SPECC1L: variants seen among roughly 807,000 people sequenced by gnomAD.
SPECC1L encodes the protein sperm antigen with calponin homology and coiled-coil domains 1 like, also known as cytospin-A.
A neutral mutation model predicts 116.8 loss-of-function variants in SPECC1L; 40 were observed. The observed-to-expected ratio is 0.34, with a 90% CI of 0.27 to 0.45. SPECC1L has a LOEUF of 0.45. SPECC1L is among the 20% of genes least tolerant of loss of function. The pLI, the probability that SPECC1L is intolerant of heterozygous loss-of-function variation, is 1.00. For missense variants in SPECC1L, 1,110 were observed against 1,373.6 expected (o/e 0.81, Z 3.03); for synonymous variants, 504 against 500.6 (o/e 1.01, Z -0.09).
intron 15 of SPECC1L, chr22:24,412,386 G>A (rs546104022): frequency 5.3e-5 from 30 of 563,126 alleles, no homozygotes; most frequent in African/African-American, 4.1e-4. Flanking sequence ...GCATTGGTGC[G>A]GCAGAAGTAG....
chr22:24,406,161 A>G (rs1289593281), intron 14 of SPECC1L, among the ~76,000 whole-genome samples: 8 of 152,200 alleles, frequency 5.3e-5, no homozygotes, highest in Non-Finnish European at 8.8e-5. Flanking sequence ...ACCTGTTGCC[A>G]CCTTAGAAAG....
At chr22:24,298,331 A>G (rs1178024542) in intron 2 of SPECC1L, among the ~76,000 whole-genome samples, 1 of 152,186 alleles carries the variant, frequency 6.6e-6, no homozygotes, top group Non-Finnish European at 1.5e-5. Context: ...TCATAAGTTG[A>G]GCAGCGTCTT....
At chr22:24,398,915 A>T (rs940601960) in intron 14 of SPECC1L, among the ~76,000 whole-genome samples, 2 of 152,176 alleles carry the variant, frequency 1.3e-5, no homozygotes, top group Non-Finnish European at 2.9e-5. Flanking sequence ...GAGGATTTCC[A>T]CGAGGGTCTT....
At chr22:24,319,591 G>A (rs954054633) in intron 4 of SPECC1L, among the ~76,000 whole-genome samples, 2 of 152,158 alleles carry the variant, frequency 1.3e-5, no homozygotes, top group Non-Finnish European at 1.5e-5. Context: ...TTGACTTAGT[G>A]TGACTCACTG....
intron 13 of SPECC1L, 81 bp from the exon 14 acceptor site, chr22:24,369,137 T>A (rs775889763): frequency 5.5e-5 from 56 of 1,020,948 alleles, no homozygotes; most frequent in Non-Finnish European, 7.9e-5. Flanking sequence ...TTCCCCTGTT[T>A]AAAAATGCAA....
chr22:24,415,138 C>T lies in SPECC1L; in HGVS notation c.*515C>T. On this transcript the variant is annotated 3_prime_UTR_variant, in exon 17 of 17. Coordinates refer to ENST00000314328, the MANE Select transcript of SPECC1L (RefSeq NM_015330.6). ...CCTTCACCGTCCTAGTTTGGAGGAGCATGTTCACCACAGACGTGGGTCAGC... is the reference window on the plus strand; with the variant it reads ...CCTTCACCGTCCTAGTTTGGAGGAGTATGTTCACCACAGACGTGGGTCAGC... 1 of 195,510 alleles carries T rather than the reference C, an allele frequency of 5.1e-6. No individual in the cohort carries two copies. Among genetic ancestry groups the T allele is most frequent in the South Asian group, 9.7e-5 (1 of 10,280 alleles). The allele number at this position is 195,510 out of a possible 1,614,324, so 12.1% of individuals were successfully genotyped here. A position where few individuals can be genotyped will look rare whatever the true frequency, so the allele number is the denominator to read the frequency against.
rs547537911 is a variant in SPECC1L, at chr22:24,364,125, C to T, written c.2827+781C>T. 7.9e-4 allele frequency among the ~76,000 whole-genome samples: 121 copies of T among 152,208 alleles called. 3 individuals are homozygous for T. In the South Asian group the frequency reaches 0.012, roughly 15 times the overall value. On this transcript the variant is annotated intron_variant, in intron 12 of 16. Coordinates refer to ENST00000314328, the MANE Select transcript of SPECC1L (RefSeq NM_015330.6). ...TGACTTGTCACTGTGCTCAGCCCTG[C>T]GTTCTGATTACCTGGCAATACTCAG...
intron 13 of SPECC1L, among the ~76,000 whole-genome samples, chr22:24,367,423 AT>A (rs60939564): frequency 1.0e-4 from 15 of 145,052 alleles, no homozygotes; most frequent in South Asian, 2.2e-4. Flanking sequence ...ATATTATGAG[AT>A]TTTTTTTTTT....
intron 16 of SPECC1L, among the ~76,000 whole-genome samples, chr22:24,414,261 C>T (rs1030522065): frequency 6.6e-6 from 1 of 152,160 alleles, no homozygotes. Flanking sequence ...GAAGTTCCTC[C>T]GCCCAGACTG....
chr22:24,382,703 T>G (rs1462777811), intron 14 of SPECC1L, among the ~76,000 whole-genome samples: 4 of 44,820 alleles, frequency 8.9e-5, no homozygotes, highest in Admixed American at 3.6e-4. Flanking sequence ...AGACTCCATC[T>G]CAAAAAAAAA....
intron 5 of SPECC1L, among the ~76,000 whole-genome samples, chr22:24,323,779 G>C (rs2040766510): frequency 6.6e-6 from 1 of 152,190 alleles, no homozygotes; most frequent in African/African-American, 2.4e-5. Flanking sequence ...TACATGTTGA[G>C]AGGCTACTGT....
At chr22:24,282,778 AT>A (rs373825517) in intron 2 of SPECC1L, among the ~76,000 whole-genome samples, 465 of 140,634 alleles carry the variant, frequency 3.3e-3, no homozygotes, top group South Asian at 7.7e-3. Context: ...TGAGTTTTGA[AT>A]TTTTTTTTTT....
intron 2 of SPECC1L, among the ~76,000 whole-genome samples, chr22:24,293,416 G>A (rs558785076): frequency 6.6e-6 from 1 of 152,186 alleles, no homozygotes; most frequent in African/African-American, 2.4e-5. Flanking sequence ...TCGTGCCACT[G>A]TACTCCAGCC....
intron 4 of SPECC1L, among the ~76,000 whole-genome samples, chr22:24,317,641 C>T (rs1205889246): frequency 4.0e-5 from 6 of 150,514 alleles, no homozygotes; most frequent in South Asian, 2.1e-4. Flanking sequence ...CCGGACGGGG[C>T]GGCTGGCCAG....
chr22:24,336,861 C>CT (rs2041070861), intron 9 of SPECC1L, among the ~76,000 whole-genome samples: 1 of 152,116 alleles, frequency 6.6e-6, no homozygotes, highest in Non-Finnish European at 1.5e-5. Context: ...GATTTTTTGA[C>CT]TTTACAGTAG....
At position 24,417,616 on chromosome 22, in the gene SPECC1L, CGAG is replaced by C. The variant is rs2042826836; in HGVS notation, c.*2995_*2997del. 6.6e-6 allele frequency: 1 copy of C among 152,080 alleles called. No individual in the cohort carries two copies. The highest frequency in any genetic ancestry group is 2.4e-5 in the African/African-American group (1 of 41,382). The allele number at this position is 152,080 out of a possible 1,614,324, so 9.4% of individuals were successfully genotyped here. A position where few individuals can be genotyped will look rare whatever the true frequency, so the allele number is the denominator to read the frequency against. ...TCCCTGGGGGCTGGGGAGTGTGTCT[CGAG>C]GGGTTTTGTTTGTTTTGAGGCATGT... On this transcript the variant is annotated 3_prime_UTR_variant, in exon 17 of 17. Coordinates refer to ENST00000314328, the MANE Select transcript of SPECC1L (RefSeq NM_015330.6).
In SPECC1L at chr22:24,324,291, A is replaced by G. The variant is rs764424646; in HGVS notation, c.2010A>G (p.Glu670=). 5.6e-6 allele frequency: 9 copies of G among 1,614,162 alleles called. No individual in the cohort carries two copies. The highest frequency in any genetic ancestry group is 5.9e-6 in the Non-Finnish European group (7 of 1,180,004). The part of the protein sequence containing the change: ...KQIEDLNMTL[E]KLRSDLDEKE... ...TTGAAGATTTGAATATGACGTTAGA[A>G]AAATTAAGATCAGACCTGGATGAAA... The change falls in exon 6 of 17, where the codon GAA becomes GAG. Residue 670 remains glutamate, a synonymous_variant. Coordinates refer to ENST00000314328, the MANE Select transcript of SPECC1L (RefSeq NM_015330.6).
At chr22:24,383,362 A>G (rs1223536383) in intron 14 of SPECC1L, among the ~76,000 whole-genome samples, 1 of 152,164 alleles carries the variant, frequency 6.6e-6, no homozygotes, top group Non-Finnish European at 1.5e-5. Context: ...GGATTACTGG[A>G]GGCCAAGAGT....
intron 3 of SPECC1L, among the ~76,000 whole-genome samples, chr22:24,311,840 G>A (rs1481164492): frequency 1.3e-5 from 2 of 148,310 alleles, no homozygotes. Flanking sequence ...AATATGAACA[G>A]TCCTTGAAAT....
Sources: allele counts gnomAD v4.1 joint callset (sites outside exome capture counted in the v4.1 genomes callset), GRCh38; gene constraint gnomAD v4.1.1; transcripts MANE v1.5; gene names NCBI Gene and HGNC (gene_info 2026-07-23, HGNC 2026-07-21).